ZNF385D: variants seen among roughly 807,000 people sequenced by gnomAD.
The protein encoded by ZNF385D is zinc finger protein 385D.
Under a neutral mutation model 35.8 loss-of-function variants are expected in ZNF385D, and 15 were observed. That is an observed-to-expected ratio of 0.42 (90% CI 0.28 to 0.64). The LOEUF (loss-of-function observed/expected upper bound fraction) is 0.64. Ranked by LOEUF, ZNF385D falls within the 30% of genes least tolerant of loss-of-function variation. The pLI, the probability that ZNF385D is intolerant of heterozygous loss-of-function variation, is 0.23. For missense variants in ZNF385D, 474 were observed against 494.6 expected, an observed-to-expected ratio of 0.96 and a Z score of 0.39; for synonymous variants, 212 against 186.8, an observed-to-expected ratio of 1.13 and a Z score of -1.10.
At chr3:22,091,811 T>C (rs1701345323) in intron 3 of ZNF385D, among the ~76,000 whole-genome samples, 1 of 152,204 alleles carries the variant, frequency 6.6e-6, no homozygotes. Flanking sequence ...ACCTAAACAT[T>C]TGTATGTCTC....
At chr3:21,498,370 G>A (rs569197786) in intron 4 of ZNF385D, among the ~76,000 whole-genome samples, 3 of 152,140 alleles carry the variant, frequency 2.0e-5, no homozygotes, top group Non-Finnish European at 2.9e-5. Context: ...TTTGACAAAT[G>A]GGACCTAAAG....
At chr3:22,254,918 TG>T (rs1338245805) in intron 2 of ZNF385D, among the ~76,000 whole-genome samples, 1 of 151,806 alleles carries the variant, frequency 6.6e-6, no homozygotes, top group Non-Finnish European at 1.5e-5. Context: ...TTGACTAACA[TG>T]GGGGTAGTGT....
At chr3:21,422,587 TC>T (rs772902794) in intron 7 of ZNF385D, among the ~76,000 whole-genome samples, 173 of 152,102 alleles carry the variant, frequency 1.1e-3, no homozygotes, top group Non-Finnish European at 2.1e-3. Context: ...GATGCAAAAC[TC>T]AACAAAATAC....
intron 3 of ZNF385D, among the ~76,000 whole-genome samples, chr3:21,917,169 T>C (rs1226012301): frequency 6.6e-6 from 1 of 152,144 alleles, no homozygotes; most frequent in Admixed American, 6.5e-5. Flanking sequence ...CGGTGGCTCA[T>C]GGCTGTAATC....
At chr3:21,642,229 C>T (rs1006631617) in intron 2 of ZNF385D, among the ~76,000 whole-genome samples, 13 of 152,174 alleles carry the variant, frequency 8.5e-5, no homozygotes, top group East Asian at 1.9e-4. Context: ...ATCCAAAAAA[C>T]GCTTTGCATT....
chr3:21,822,835 A>G (rs750839325), intron 3 of ZNF385D, among the ~76,000 whole-genome samples: 7 of 152,190 alleles, frequency 4.6e-5, no homozygotes, highest in Non-Finnish European at 1.0e-4. Context: ...AAATTAATGC[A>G]TGTGGAATCT....
intron 3 of ZNF385D, among the ~76,000 whole-genome samples, chr3:22,032,610 T>A (rs1698069476): frequency 6.6e-6 from 1 of 152,074 alleles, no homozygotes; most frequent in Non-Finnish European, 1.5e-5. Context: ...GTAACAGAGG[T>A]GACTTTCTTA....
intron 3 of ZNF385D, among the ~76,000 whole-genome samples, chr3:21,865,582 C>T (rs901612454): frequency 6.6e-6 from 1 of 152,022 alleles, no homozygotes. Flanking sequence ...AATTTCAAAG[C>T]GTCATACATT....
At chr3:21,734,445 T>C (rs1050372717) in intron 1 of ZNF385D, among the ~76,000 whole-genome samples, 42 of 152,240 alleles carry the variant, frequency 2.8e-4, no homozygotes, top group African/African-American at 9.4e-4. Context: ...GATGAATTTG[T>C]GAGATTTATA....
intron 3 of ZNF385D, among the ~76,000 whole-genome samples, chr3:21,799,290 T>A (rs1422674312): frequency 6.6e-6 from 1 of 152,216 alleles, no homozygotes; most frequent in Non-Finnish European, 1.5e-5. Flanking sequence ...GCTTGTTTTC[T>A]TTTGGGGATC....
At chr3:21,720,792 C>A (rs766335079) in intron 1 of ZNF385D, among the ~76,000 whole-genome samples, 8 of 152,156 alleles carry the variant, frequency 5.3e-5, no homozygotes, top group Non-Finnish European at 1.0e-4. Context: ...CATGAGTCCT[C>A]TGGCATTTAA....
intron 3 of ZNF385D, among the ~76,000 whole-genome samples, chr3:21,968,409 T>C (rs149367154): frequency 2.8e-4 from 42 of 152,140 alleles, no homozygotes; most frequent in African/African-American, 1.0e-3. Context: ...GAGGTACACA[T>C]GACCTAGTGA....
At chr3:21,828,341 G>C (rs1025731570) in intron 3 of ZNF385D, among the ~76,000 whole-genome samples, 1 of 152,194 alleles carries the variant, frequency 6.6e-6, no homozygotes, top group Admixed American at 6.5e-5. Context: ...AAAAGTAGAA[G>C]TTAAAATAAG....
At chr3:21,701,729 T>C (rs1334574423) in intron 1 of ZNF385D, among the ~76,000 whole-genome samples, 4 of 152,100 alleles carry the variant, frequency 2.6e-5, no homozygotes, top group Non-Finnish European at 5.9e-5. Flanking sequence ...AGGTATTAGA[T>C]AAATACAGCC....
At chr3:22,358,907 C>G (rs1246670761) in intron 2 of ZNF385D, among the ~76,000 whole-genome samples, 1 of 151,534 alleles carries the variant, frequency 6.6e-6, no homozygotes, top group Non-Finnish European at 1.5e-5. Flanking sequence ...TTGGAACCAT[C>G]TGTATGACTT....
chr3:21,866,873 A>C (rs1051216948), intron 3 of ZNF385D, among the ~76,000 whole-genome samples: 6 of 152,172 alleles, frequency 3.9e-5, no homozygotes, highest in African/African-American at 7.2e-5. Flanking sequence ...CTTTGGGCTT[A>C]AGATAGGTCC....
chr3:22,009,424 C>G (rs1252239449), intron 3 of ZNF385D, among the ~76,000 whole-genome samples: 3 of 152,010 alleles, frequency 2.0e-5, no homozygotes, highest in Non-Finnish European at 4.4e-5. Context: ...GAGATCGAGA[C>G]CATCCTGGCT....
chr3:22,188,436 C>G (rs959244191), intron 2 of ZNF385D, among the ~76,000 whole-genome samples: 1 of 149,066 alleles, frequency 6.7e-6, no homozygotes, highest in Non-Finnish European at 1.5e-5. Context: ...TGTTTACATA[C>G]AAATACGTGT....
At chr3:21,708,385 GC>G (rs2067983817) in intron 1 of ZNF385D, among the ~76,000 whole-genome samples, 1 of 152,168 alleles carries the variant, frequency 6.6e-6, no homozygotes, top group Non-Finnish European at 1.5e-5. Context: ...AGATGGCACA[GC>G]TCTTAAGCGG....
Sources: allele counts gnomAD v4.1 joint callset (sites outside exome capture counted in the v4.1 genomes callset), GRCh38; gene constraint gnomAD v4.1.1; transcripts MANE v1.5; gene names NCBI Gene and HGNC (gene_info 2026-07-23, HGNC 2026-07-21).